RPS6KA6: variants seen among roughly 807,000 people sequenced by gnomAD.
The protein encoded by RPS6KA6 is ribosomal protein S6 kinase alpha-6.
A neutral mutation model predicts 65.4 loss-of-function variants in RPS6KA6; 27 were observed. The ratio of observed to expected loss-of-function variants is 0.41; its 90% CI spans 0.30 to 0.57. The LOEUF is 0.57. Among genes scored for constraint, RPS6KA6 ranks in the 20% least tolerant of loss-of-function variants. RPS6KA6 has a pLI of 0.24. For missense variants in RPS6KA6, 486 were observed against 555.6 expected (o/e 0.87, Z 1.26); for synonymous variants, 190 against 184.2 (o/e 1.03, Z -0.26).
chrX:84,072,284 A>G (rs2033560850), intron 20 of RPS6KA6, among the ~76,000 whole-genome samples: 1 of 112,295 alleles, frequency 8.9e-6, no homozygotes, highest in African/African-American at 3.2e-5. Flanking sequence ...CATCACATCA[A>G]CAGAATCAAG....
At chrX:84,087,639 G>A (rs1163072675) in intron 20 of RPS6KA6, among the ~76,000 whole-genome samples, 1 of 110,963 alleles carries the variant, frequency 9.0e-6, no homozygotes, top group African/African-American at 3.3e-5. Flanking sequence ...GTACCTTGTG[G>A]TTGATCTTCT....
intron 12 of RPS6KA6, among the ~76,000 whole-genome samples, chrX:84,109,920 C>T (rs1211380695): frequency 9.0e-6 from 1 of 111,274 alleles, no homozygotes. Flanking sequence ...CATGCCTCAA[C>T]CTGGGGTCTG....
chrX:84,160,894 G>A (rs182596302), intron 2 of RPS6KA6, among the ~76,000 whole-genome samples: 1 of 111,280 alleles, frequency 9.0e-6, no homozygotes, highest in East Asian at 2.8e-4. Context: ...ACAATGGAAG[G>A]TATCTGCAGA....
rs186310601 is a variant in RPS6KA6, at chrX:84,165,427, A to T, written c.82-1040T>A. ...TCTGAAAATGAAACAAAAACAAATT[A>T]ATTAGGGAAGATCAAAACTTGAAAA... On this transcript the variant is annotated intron_variant, in intron 1 of 21. Transcript: ENST00000262752. Among the ~76,000 whole-genome samples the T allele has an allele frequency of 2.5e-3, 276 of 111,653 alleles. 1 individual carries two copies. Among genetic ancestry groups the T allele is most frequent in the African/African-American group, 8.7e-3 (267 of 30,815 alleles).
Position 84,063,850 on chromosome X carries a change from G to GA in RPS6KA6, c.*426dup, listed in dbSNP as rs2033342416. On this transcript the variant is annotated 3_prime_UTR_variant, in exon 22 of 22. Transcript: ENST00000262752. ...AGTTTTTGTTGTTTTTCTTTCATTA[G>GA]AAAAAGCCTATCCTTCAGGATCTGA... 1 of 112,132 alleles carries GA rather than the reference G, an allele frequency of 8.9e-6. No homozygotes were observed. The highest frequency in any genetic ancestry group is 9.5e-5 in the Admixed American group (1 of 10,521). The allele number at this position is 112,132 out of a possible 1,213,427, so 9.2% of individuals were successfully genotyped here.
intron 8 of RPS6KA6, among the ~76,000 whole-genome samples, chrX:84,133,770 C>T (rs963783064): frequency 9.0e-6 from 1 of 111,342 alleles, no homozygotes; most frequent in African/African-American, 3.3e-5. Flanking sequence ...CTCTACTGTT[C>T]CCTACTGTTA....
At chrX:84,147,357 A>G (rs1174329301) in intron 4 of RPS6KA6, among the ~76,000 whole-genome samples, 1 of 111,319 alleles carries the variant, frequency 9.0e-6, no homozygotes, top group Non-Finnish European at 1.9e-5. Context: ...TCCAGGCTGG[A>G]CTGCAGCGGC....
intron 1 of RPS6KA6, among the ~76,000 whole-genome samples, chrX:84,182,228 G>A (rs913209149): frequency 1.8e-5 from 2 of 110,541 alleles, no homozygotes; most frequent in Non-Finnish European, 1.9e-5. Context: ...ATTTAGCTCA[G>A]CTCTCTAAAT....
chrX:84,081,387 G>A (rs1413857156), intron 20 of RPS6KA6, among the ~76,000 whole-genome samples: 1 of 111,324 alleles, frequency 9.0e-6, no homozygotes, highest in Non-Finnish European at 1.9e-5. Context: ...AGAAATTCCT[G>A]GAAACATACA....
At position 84,188,016 on chromosome X, in the gene RPS6KA6, CA is replaced by C; in HGVS notation, c.-118del. 18 of 468,598 alleles carry C rather than the reference CA, an allele frequency of 3.8e-5. No individual in the cohort carries two copies. The highest frequency in any genetic ancestry group is 4.5e-5 in the Non-Finnish European group (16 of 355,918). The allele number at this position is 468,598 out of a possible 1,213,427, so 38.6% of individuals were successfully genotyped here. A position where few individuals can be genotyped will look rare whatever the true frequency, so the allele number is the denominator to read the frequency against. ...CCGCCGCCGCCGCCGCCGCGACCCCCAGCCCCGCCTTCAGCGAGCGCTGCCC... is the reference window on the plus strand; with the variant it reads ...CCGCCGCCGCCGCCGCCGCGACCCCCGCCCCGCCTTCAGCGAGCGCTGCCC... On this transcript the variant is annotated 5_prime_UTR_variant, in exon 1 of 22. Coordinates refer to ENST00000262752, the MANE Select transcript of RPS6KA6 (RefSeq NM_014496.5).
chrX:84,123,895 T>C (rs1488398921), intron 8 of RPS6KA6, among the ~76,000 whole-genome samples: 1 of 111,232 alleles, frequency 9.0e-6, no homozygotes, highest in Non-Finnish European at 1.9e-5. Context: ...GACCCAGTGT[T>C]GTGCTGGCTT....
In RPS6KA6 at chrX:84,133,591, T is replaced by G. The variant is rs906669122; in HGVS notation, c.646+1191A>C. Among the ~76,000 whole-genome samples, 6 of 111,298 alleles carry G rather than the reference T, an allele frequency of 5.4e-5. No individual in the cohort carries two copies. The East Asian group carries it at 1.7e-3, about 31-fold the overall frequency. ...TCATTATTTACGTAATTAACCTTAA[T>G]GTAGAGAGAGAAAAATAGGTTTTTT... On this transcript the variant is annotated intron_variant, in intron 8 of 21. Transcript: ENST00000262752.
At chrX:84,125,553 G>C (rs957066992) in intron 8 of RPS6KA6, among the ~76,000 whole-genome samples, 1 of 111,277 alleles carries the variant, frequency 9.0e-6, no homozygotes, top group Non-Finnish European at 1.9e-5. Flanking sequence ...CAACAGATAT[G>C]CAAAAAATAA....
intron 1 of RPS6KA6, among the ~76,000 whole-genome samples, chrX:84,167,446 C>T (rs1428941303): frequency 9.0e-6 from 1 of 111,627 alleles, no homozygotes; most frequent in Non-Finnish European, 1.9e-5. Flanking sequence ...ATCCAAAAGG[C>T]TAAATACTGT....
intron 20 of RPS6KA6, among the ~76,000 whole-genome samples, chrX:84,090,812 A>G (rs749341889): frequency 8.9e-6 from 1 of 111,784 alleles, no homozygotes; most frequent in African/African-American, 3.3e-5. Context: ...CAGCCAAAAC[A>G]TATCAGGTAA....
intron 20 of RPS6KA6, among the ~76,000 whole-genome samples, chrX:84,089,392 G>A (rs894491433): frequency 3.5e-4 from 39 of 111,763 alleles, no homozygotes; most frequent in African/African-American, 1.1e-3. Context: ...CATGGAAGTG[G>A]GGCCCACAGA....
chrX:84,072,704 G>A (rs982873715), intron 20 of RPS6KA6, among the ~76,000 whole-genome samples: 1 of 111,640 alleles, frequency 9.0e-6, no homozygotes, highest in Non-Finnish European at 1.9e-5. Flanking sequence ...AAAGTTGCAG[G>A]ATACAAAAGC....
At chrX:84,143,775 C>T (rs781609781) in intron 6 of RPS6KA6, among the ~76,000 whole-genome samples, 1 of 111,214 alleles carries the variant, frequency 9.0e-6, no homozygotes, top group Non-Finnish European at 1.9e-5. Flanking sequence ...CACTGCCTCA[C>T]TTCAAGACAT....
intron 20 of RPS6KA6, among the ~76,000 whole-genome samples, chrX:84,084,726 T>C (rs868312313): frequency 8.9e-6 from 1 of 112,269 alleles, no homozygotes; most frequent in Non-Finnish European, 1.9e-5. Context: ...TTTAAAATAG[T>C]TTCTTCTAAT....
Sources: gnomAD v4.1 joint callset for allele counts (sites outside exome capture counted in the v4.1 genomes callset) on GRCh38, gnomAD v4.1.1 for gene constraint, MANE v1.5 for transcripts, NCBI Gene and HGNC (gene_info 2026-07-23, HGNC 2026-07-21) for gene names.